The following DISC1 variants were observed in gnomAD, a reference collection of about 807,000 sequenced individuals.
The protein encoded by DISC1 is disrupted in schizophrenia 1 protein.
A neutral mutation model predicts 84.5 loss-of-function variants in DISC1; 57 were observed. The ratio of observed to expected loss-of-function variants is 0.67; its 90% confidence interval spans 0.55 to 0.84. The LOEUF is 0.84. Among genes scored for constraint, DISC1 ranks in the 40% least tolerant of loss-of-function variants. The pLI is 0.00. For synonymous variants in DISC1, 411 were observed against 415.2 expected, an observed-to-expected ratio of 0.99 and a Z score of 0.12; for missense variants, 1,000 against 1,057.8, an observed-to-expected ratio of 0.95 and a Z score of 0.76.
intron 1 of DISC1, among the ~76,000 whole-genome samples, chr1:231,687,954 A>C (rs1021982971): frequency 6.6e-6 from 1 of 152,116 alleles, no homozygotes; most frequent in African/African-American, 2.4e-5. Flanking sequence ...ATATGTTACC[A>C]CAATTAAAGA....
chr1:231,788,002 G>T (rs1417692150), intron 6 of DISC1, among the ~76,000 whole-genome samples: 2 of 152,238 alleles, frequency 1.3e-5, no homozygotes, highest in African/African-American at 4.8e-5. Context: ...CCAAGAATCA[G>T]CCGGGCGCAG....
chr1:231,906,019 C>CTTTT (rs5781677), intron 9 of DISC1, among the ~76,000 whole-genome samples: 10 of 76,964 alleles, frequency 1.3e-4, no homozygotes, highest in East Asian at 4.7e-4. Flanking sequence ...GAGGTCATGG[C>CTTTT]TTTTTTTTTT....
intron 2 of DISC1, among the ~76,000 whole-genome samples, chr1:231,696,080 T>C (rs2065663329): frequency 6.6e-6 from 1 of 152,152 alleles, no homozygotes; most frequent in Non-Finnish European, 1.5e-5. Context: ...TTTGAATGCA[T>C]AGAATCTATC....
At chr1:231,929,932 G>A (rs979798933) in intron 9 of DISC1, among the ~76,000 whole-genome samples, 2 of 152,142 alleles carry the variant, frequency 1.3e-5, no homozygotes, top group African/African-American at 4.8e-5. Context: ...AAACCTGGCT[G>A]CTAATATGAC....
intron 1 of DISC1, among the ~76,000 whole-genome samples, chr1:231,651,134 G>A (rs538800079): frequency 6.6e-6 from 1 of 152,286 alleles, no homozygotes; most frequent in Admixed American, 6.5e-5. Context: ...TCCTTTGGAG[G>A]AGAAGAGGTG....
intron 1 of DISC1, among the ~76,000 whole-genome samples, chr1:231,628,952 G>T (rs2058485241): frequency 6.6e-6 from 1 of 151,854 alleles, no homozygotes; most frequent in East Asian, 1.9e-4. Context: ...GCTCAGGCTG[G>T]TCTCGACCTC....
At chr1:231,880,131 T>C (rs2086189696) in intron 9 of DISC1, among the ~76,000 whole-genome samples, 1 of 152,178 alleles carries the variant, frequency 6.6e-6, no homozygotes, top group Non-Finnish European at 1.5e-5. Context: ...TAATGGGTTA[T>C]CCTGTAAGCG....
In DISC1 at chr1:232,039,675, A is replaced by G. The variant is rs76310864; in HGVS notation, c.*2844A>G. ...GGAGACACAGGACTGTGTATCCTCA[A>G]TCATACTATACAGCAGTTTTTGTCA... On this transcript the variant is annotated 3_prime_UTR_variant, in exon 13 of 13. Coordinates refer to ENST00000439617, the MANE Select transcript of DISC1 (RefSeq NM_018662.3). 0.027 allele frequency: 4,081 copies of G among 152,246 alleles called. 176 individuals carry two copies. Among genetic ancestry groups the G allele is most frequent in the African/African-American group, 0.092 (3,841 of 41,540 alleles). 9.4% of individuals were successfully genotyped at this position (152,246 alleles called of 1,614,324 possible).
chr1:231,865,683 A>G (rs944957794), intron 9 of DISC1, among the ~76,000 whole-genome samples: 1 of 152,180 alleles, frequency 6.6e-6, no homozygotes, highest in Admixed American at 6.5e-5. Context: ...GGTGCCTCAT[A>G]TAAGTGGAAT....
At chr1:231,884,985 C>T (rs2086580928) in intron 9 of DISC1, among the ~76,000 whole-genome samples, 1 of 152,166 alleles carries the variant, frequency 6.6e-6, no homozygotes, top group Admixed American at 6.5e-5. Context: ...CCGTGTTCCA[C>T]CTGATCCATG....
At position 231,722,932 on chromosome 1, in the gene DISC1, A is replaced by T. The variant is rs565274623; in HGVS notation, c.1117+20908A>T. The T allele has an allele frequency of 3.2e-6, 4 of 1,254,730 alleles. No individual in the cohort carries two copies. In the Admixed American group the frequency reaches 1.1e-4, roughly 34 times the overall value. 77.7% of individuals were successfully genotyped at this position (1,254,730 alleles called of 1,614,324 possible). ...TAGATTTTTGTAGGGGGGAGAAACC[A>T]CCCAAAAGCAAATGGAAAAATATGC... On this transcript the variant is annotated intron_variant, in intron 3 of 12. Coordinates refer to ENST00000439617, the MANE Select transcript of DISC1 (RefSeq NM_018662.3).
intron 12 of DISC1, among the ~76,000 whole-genome samples, chr1:232,032,060 C>A (rs745835086): frequency 3.3e-5 from 5 of 152,142 alleles, no homozygotes; most frequent in Non-Finnish European, 7.4e-5. Flanking sequence ...ATTATACTTA[C>A]CAGTGGAGCA....
intron 9 of DISC1, among the ~76,000 whole-genome samples, chr1:231,930,332 C>CA (rs1301934938): frequency 6.6e-6 from 1 of 152,108 alleles, no homozygotes; most frequent in Non-Finnish European, 1.5e-5. Context: ...GCTTCTGCCT[C>CA]AGAGTTCTTT....
At position 231,845,505 on chromosome 1, in the gene DISC1, T is replaced by C. The variant is rs1357000183; in HGVS notation, c.1981+26988T>C. 2.0e-5 allele frequency among the ~76,000 whole-genome samples: 3 copies of C among 151,970 alleles called. No homozygotes were observed. In the East Asian group the frequency reaches 5.8e-4, roughly 29 times the overall value. On this transcript the variant is annotated intron_variant, in intron 9 of 12. Transcript: ENST00000439617. ...ATTGCCAGGTGGATTTGGTGCCCAT[T>C]TGGAAGGTGGCCCAGTGACTTCTGG...
chr1:231,646,169 A>G (rs2060116699), intron 1 of DISC1, among the ~76,000 whole-genome samples: 2 of 151,450 alleles, frequency 1.3e-5, no homozygotes, highest in African/African-American at 4.9e-5. Context: ...CCATGCCACA[A>G]CAGTCCCTGG....
intron 10 of DISC1, among the ~76,000 whole-genome samples, chr1:231,968,348 C>T (rs889007234): frequency 2.0e-5 from 3 of 151,988 alleles, no homozygotes; most frequent in African/African-American, 7.3e-5. Context: ...TGGAACTGGC[C>T]TCTTCACATC....
At chr1:231,895,871 C>T (rs984321866) in intron 9 of DISC1, among the ~76,000 whole-genome samples, 1 of 152,134 alleles carries the variant, frequency 6.6e-6, no homozygotes, top group Non-Finnish European at 1.5e-5. Flanking sequence ...ACACCTTTGC[C>T]CCAAATTCAT....
At chr1:231,673,801 G>T (rs2062853572) in intron 1 of DISC1, among the ~76,000 whole-genome samples, 1 of 152,158 alleles carries the variant, frequency 6.6e-6, no homozygotes, top group East Asian at 1.9e-4. Context: ...CTGAAAGGTT[G>T]GAGTGTCTCA....
chr1:231,866,020 C>T (rs1055592712), intron 9 of DISC1, among the ~76,000 whole-genome samples: 7 of 152,262 alleles, frequency 4.6e-5, no homozygotes, highest in African/African-American at 1.7e-4. Context: ...CTTGGATTAT[C>T]GATCTCATTG....
Sources: allele counts gnomAD v4.1 joint callset (sites outside exome capture counted in the v4.1 genomes callset), GRCh38; gene constraint gnomAD v4.1.1; transcripts MANE v1.5; gene names NCBI Gene and HGNC (gene_info 2026-07-23, HGNC 2026-07-21).